SYTL5: variants seen among roughly 807,000 people sequenced by gnomAD.
SYTL5 encodes the protein synaptotagmin like 5.
SYTL5 carries 34 observed loss-of-function variants against 55.9 expected under a neutral mutation model. The observed-to-expected ratio is 0.61, with a 90% CI of 0.46 to 0.81. The LOEUF is 0.81. SYTL5 is among the 30% of genes least tolerant of loss of function. The probability of loss-of-function intolerance (pLI) is 0.00; values close to 1 mark genes in which losing one functional copy is unlikely to be tolerated. For synonymous variants in SYTL5, 221 were observed against 188.7 expected (o/e 1.17, Z -1.40); for missense variants, 637 against 546.7 (o/e 1.17, Z -1.65).
chrX:38,065,825 C>T (rs1195967493), intron 3 of SYTL5, among the ~76,000 whole-genome samples: 4 of 111,539 alleles, frequency 3.6e-5, no homozygotes, highest in East Asian at 2.8e-4. Context: ...GTAGGCCGGG[C>T]GTGGTGGCTC....
At chrX:37,915,745 A>AT in the SYTL5 span, among the ~76,000 whole-genome samples, 9 of 109,733 alleles carry the variant, frequency 8.2e-5, no homozygotes, top group Non-Finnish European at 1.5e-4. Flanking sequence ...TAAGGATGTC[A>AT]TTTTTTTTTC....
chrX:37,985,561 T>A, the SYTL5 span, among the ~76,000 whole-genome samples: 96 of 110,300 alleles, frequency 8.7e-4, no homozygotes, highest in Non-Finnish European at 1.7e-3. Context: ...ATCATTTTCA[T>A]GGATTAGAAG....
At chrX:38,023,096 G>A (rs779378896) in intron 1 of SYTL5, among the ~76,000 whole-genome samples, 7 of 112,085 alleles carry the variant, frequency 6.2e-5, no homozygotes, top group Admixed American at 1.9e-4. Context: ...TTATCAATTT[G>A]TATTTTGGAA....
At chrX:38,074,786 A>G (rs1299495559) in intron 5 of SYTL5, among the ~76,000 whole-genome samples, 1 of 111,205 alleles carries the variant, frequency 9.0e-6, no homozygotes, top group Non-Finnish European at 1.9e-5. Flanking sequence ...AGTATCCTGT[A>G]TATCCTATCC....
At chrX:37,993,641 A>T in the SYTL5 span, among the ~76,000 whole-genome samples, 1 of 112,495 alleles carries the variant, frequency 8.9e-6, no homozygotes, top group African/African-American at 3.2e-5. Flanking sequence ...ATTGATCATG[A>T]ATGTTTAAGT....
chrX:37,893,299 T>C, the SYTL5 span, among the ~76,000 whole-genome samples: 2 of 99,278 alleles, frequency 2.0e-5, no homozygotes, highest in South Asian at 8.6e-4. Flanking sequence ...TACCACACTA[T>C]ATACTATATA....
chrX:37,905,815 A>G, the SYTL5 span, among the ~76,000 whole-genome samples: 1 of 113,168 alleles, frequency 8.8e-6, no homozygotes, highest in East Asian at 2.8e-4. Flanking sequence ...ACCCCTTGGC[A>G]GCGGGCGGCT....
rs769107732 is a variant in SYTL5 at position 38,083,972 on chromosome X, G to A, written c.690-5474G>A. 2.0e-4 allele frequency among the ~76,000 whole-genome samples: 22 copies of A among 109,698 alleles called. No individual in the cohort carries two copies. In the East Asian group the frequency reaches 5.4e-3, roughly 27 times the overall value. On this transcript the variant is annotated intron_variant, in intron 6 of 16. Transcript: ENST00000297875. ...ACCTTCTGCTGTCCTTCTTTCACCC[G>A]CCAAAGCAGGACTCTAACCTGATTA...
intron 9 of SYTL5, among the ~76,000 whole-genome samples, chrX:38,096,799 A>G (rs893252964): frequency 1.8e-4 from 20 of 111,381 alleles, no homozygotes; most frequent in African/African-American, 6.2e-4. Flanking sequence ...CAAATGTAAA[A>G]TGGTATTGAT....
intron 7 of SYTL5, among the ~76,000 whole-genome samples, 196 bp downstream of exon 7, chrX:38,089,783 A>G (rs1286347835): frequency 1.8e-5 from 2 of 112,269 alleles, no homozygotes; most frequent in Non-Finnish European, 3.8e-5. Context: ...AAATCTCGTG[A>G]GAACTCACCA....
At chrX:37,907,465 C>T in the SYTL5 span, among the ~76,000 whole-genome samples, 2 of 112,161 alleles carry the variant, frequency 1.8e-5, no homozygotes, top group Admixed American at 1.9e-4. Flanking sequence ...GATCCTCTTC[C>T]AATGTCGTCC....
chrX:38,075,847 G>C (rs941697942), intron 5 of SYTL5, among the ~76,000 whole-genome samples: 1 of 111,610 alleles, frequency 9.0e-6, no homozygotes, highest in Non-Finnish European at 1.9e-5. Flanking sequence ...AAGGAATATA[G>C]CTTTGATTTT....
At chrX:38,040,553 C>T (rs1935255769) in intron 2 of SYTL5, among the ~76,000 whole-genome samples, 2 of 103,873 alleles carry the variant, frequency 1.9e-5, no homozygotes, top group Admixed American at 2.1e-4. Flanking sequence ...ATTTTTAAAT[C>T]CCACAAATAA....
the SYTL5 span, among the ~76,000 whole-genome samples, chrX:37,955,111 G>A: frequency 9.1e-6 from 1 of 109,850 alleles, no homozygotes; most frequent in Non-Finnish European, 1.9e-5. Flanking sequence ...GTAAAATTAG[G>A]GTTATGGTCC....
At chrX:37,988,579 A>G in the SYTL5 span, among the ~76,000 whole-genome samples, 1 of 112,228 alleles carries the variant, frequency 8.9e-6, no homozygotes, top group Non-Finnish European at 1.9e-5. Flanking sequence ...ACAACCTTAG[A>G]TTATGTTGAA....
chrX:37,952,053 C>T, the SYTL5 span, among the ~76,000 whole-genome samples: 2 of 110,679 alleles, frequency 1.8e-5, no homozygotes, highest in Non-Finnish European at 3.8e-5. Flanking sequence ...TTTGTAAGAT[C>T]TAGGAATTGT....
At chrX:37,926,290 T>G in the SYTL5 span, among the ~76,000 whole-genome samples, 42 of 111,866 alleles carry the variant, frequency 3.8e-4, 1 homozygote, top group Non-Finnish European at 7.5e-5. Flanking sequence ...AGAAACGTCT[T>G]TTCAGATCAT....
At chrX:37,930,110 A>G in the SYTL5 span, among the ~76,000 whole-genome samples, 29 of 111,961 alleles carry the variant, frequency 2.6e-4, 1 homozygote, top group Admixed American at 2.5e-3. Context: ...ACCCTAGTAG[A>G]TTCTGTGTCC....
At chrX:38,072,023 G>A (rs1936278167) in intron 3 of SYTL5, 24 bp from the exon 4 acceptor site, 4 of 1,082,424 alleles carry the variant, frequency 3.7e-6, no homozygotes, top group Non-Finnish European at 5.1e-6. Context: ...GAATTTCAAT[G>A]CTCTTCCCTT....
Sources: gnomAD v4.1 joint callset for allele counts (sites outside exome capture counted in the v4.1 genomes callset) on GRCh38, gnomAD v4.1.1 for gene constraint, MANE v1.5 for transcripts, NCBI Gene and HGNC (gene_info 2026-07-23, HGNC 2026-07-21) for gene names.